RAG1: variants seen among roughly 807,000 people sequenced by gnomAD.
RAG1 encodes the protein recombination activating 1.
In RAG1, 35 loss-of-function variants were observed where a neutral mutation model predicts 62.7. The observed-to-expected ratio is 0.56, with a 90% CI of 0.43 to 0.74. The LOEUF is 0.74. Ranked by LOEUF, RAG1 falls within the 30% of genes least tolerant of loss-of-function variation. The pLI is 0.00. For missense variants in RAG1, 1,169 were observed against 1,278.6 expected, an observed-to-expected ratio of 0.91 and a Z score of 1.31; for synonymous variants, 461 against 470.3, an observed-to-expected ratio of 0.98 and a Z score of 0.26.
rs143227621 is a variant in RAG1, at chr11:36,575,339, A to G, written c.2035A>G (p.Ile679Val). 3.0e-5 allele frequency: 49 copies of G among 1,614,166 alleles called. No individual in the cohort carries two copies. In the African/African-American group the frequency reaches 5.5e-4, roughly 18 times the overall value. Reference protein sequence around the residue: ...ETLTAILSPLIAEREAMKSSE... With the variant: ...ETLTAILSPLVAEREAMKSSE... ...GCTGACTGCCATCCTGAGTCCTCTC[A>G]TTGCTGAGAGGGAGGCCATGAAGAG... The change falls in exon 2 of 2, where the codon ATT (isoleucine) becomes GTT (valine). Residue 679 changes from isoleucine to valine, a missense_variant. Physicochemically the swap from Ile to Val is conservative, Grantham distance 29. This residue lies in a region of RAG1 where 800 missense variants were observed against 943.3 expected (regional missense o/e 0.85). Coordinates refer to ENST00000299440, the MANE Select transcript of RAG1 (RefSeq NM_000448.3). This position sits in a 1 kb window ranked among gnomAD's most constrained non-coding sequence, Gnocchi z 4.1.
chr11:36,557,643 A>G (rs1850523210), intron 3 of RAG1, among the ~76,000 whole-genome samples: 1 of 152,052 alleles, frequency 6.6e-6, no homozygotes, highest in Non-Finnish European at 1.5e-5. Flanking sequence ...CCTCAACTTA[A>G]TTACTTCTTT....
At chr11:36,569,121 A>T (rs1241865182) in intron 1 of RAG1, among the ~76,000 whole-genome samples, 1 of 152,090 alleles carries the variant, frequency 6.6e-6, no homozygotes, top group Non-Finnish European at 1.5e-5. Context: ...GGCAGCTGGG[A>T]TGGAAATGGG....
chr11:36,530,080 C>T (rs888674512), intron 2 of RAG1, among the ~76,000 whole-genome samples: 7 of 151,996 alleles, frequency 4.6e-5, no homozygotes, highest in East Asian at 3.9e-4. Flanking sequence ...AGTCCATTTT[C>T]GTCTTAATTG....
chr11:36,565,058 C>A (rs1225956023), upstream of RAG1, among the ~76,000 whole-genome samples: 5 of 152,178 alleles, frequency 3.3e-5, no homozygotes, highest in Admixed American at 2.0e-4. Flanking sequence ...TGCGTTGGGG[C>A]AAGTAACCTC....
At chr11:36,514,251 G>A (rs1271437347) in intron 1 of RAG1, among the ~76,000 whole-genome samples, 1 of 152,134 alleles carries the variant, frequency 6.6e-6, no homozygotes. Context: ...GAGACCCTAA[G>A]CTGGAACCTA....
At chr11:36,548,587 G>A (rs938224547) in intron 3 of RAG1, among the ~76,000 whole-genome samples, 1 of 152,086 alleles carries the variant, frequency 6.6e-6, no homozygotes, top group African/African-American at 2.4e-5. Flanking sequence ...ACCTCTTCAA[G>A]GAGAACTACA....
chr11:36,547,421 C>T (rs1850411421), intron 3 of RAG1, among the ~76,000 whole-genome samples: 1 of 152,012 alleles, frequency 6.6e-6, no homozygotes, highest in Non-Finnish European at 1.5e-5. Flanking sequence ...CAAATAGACA[C>T]AATAAAAAAT....
intron 3 of RAG1, among the ~76,000 whole-genome samples, chr11:36,547,172 A>G (rs1850406452): frequency 6.6e-6 from 1 of 152,136 alleles, no homozygotes. Flanking sequence ...CACAGGAGAA[A>G]GTGGGGAAGA....
chr11:36,514,022 G>C (rs1233816472), intron 1 of RAG1, among the ~76,000 whole-genome samples: 1 of 152,210 alleles, frequency 6.6e-6, no homozygotes, highest in Non-Finnish European at 1.5e-5. Context: ...TGTAGCTTCT[G>C]TCTTGCTCTC....
chr11:36,524,087 G>T (rs1043757169), intron 2 of RAG1, among the ~76,000 whole-genome samples: 13 of 152,092 alleles, frequency 8.5e-5, no homozygotes, highest in Non-Finnish European at 1.8e-4. Flanking sequence ...TTGGACTGGG[G>T]TTGGCTATGA....
chr11:36,559,473 C>G (rs1850551775), intron 3 of RAG1, among the ~76,000 whole-genome samples: 1 of 152,216 alleles, frequency 6.6e-6, no homozygotes, highest in African/African-American at 2.4e-5. Context: ...TTTTCCCTCT[C>G]TTCTTCTCAA....
chr11:36,571,562 G>C (rs1441746434), intron 1 of RAG1, among the ~76,000 whole-genome samples: 2 of 152,102 alleles, frequency 1.3e-5, no homozygotes, highest in African/African-American at 4.8e-5. Context: ...AATCTAATAG[G>C]ATTTCTCTGT....
At chr11:36,551,597 ACTT>A (rs1296688569) in intron 3 of RAG1, among the ~76,000 whole-genome samples, 102 of 127,990 alleles carry the variant, frequency 8.0e-4, no homozygotes, top group Non-Finnish European at 1.0e-3. Flanking sequence ...TAACTTAATT[ACTT>A]CTTTTTTTTT....
chr11:36,522,310 A>G (rs908159353), intron 2 of RAG1, among the ~76,000 whole-genome samples: 1 of 152,152 alleles, frequency 6.6e-6, no homozygotes, highest in East Asian at 1.9e-4. Context: ...CTGTGTCCCA[A>G]CTGCTCCAGC....
At chr11:36,557,472 C>T (rs902512126) in intron 3 of RAG1, among the ~76,000 whole-genome samples, 16 of 147,074 alleles carry the variant, frequency 1.1e-4, no homozygotes, top group Non-Finnish European at 2.1e-4. Context: ...CTTCGGCTCG[C>T]GCACGGTGCG....
chr11:36,515,185 C>T (rs1316451689), intron 1 of RAG1, among the ~76,000 whole-genome samples: 2 of 152,108 alleles, frequency 1.3e-5, no homozygotes, highest in African/African-American at 2.4e-5. Flanking sequence ...ACCTGAGAGT[C>T]AGAATCTTTC....
chr11:36,565,840 A>G (rs1850654061), upstream of RAG1: 1 of 152,188 alleles, frequency 6.6e-6, no homozygotes, highest in African/African-American at 2.4e-5. Flanking sequence ...CACGGATGGG[A>G]GAAATTGGGA....
At chr11:36,531,938 T>C (rs1156662583) in intron 2 of RAG1, among the ~76,000 whole-genome samples, 1 of 152,076 alleles carries the variant, frequency 6.6e-6, no homozygotes, top group African/African-American at 2.4e-5. Context: ...TGATGTTGCG[T>C]TTTAGATTAA....
At chr11:36,543,921 G>A (rs531818586) in intron 3 of RAG1, among the ~76,000 whole-genome samples, 8 of 152,328 alleles carry the variant, frequency 5.3e-5, no homozygotes, top group Admixed American at 3.9e-4. Context: ...GTAGTTGCAT[G>A]TTTGATGTTT....
Sources: allele counts gnomAD v4.1 joint callset (sites outside exome capture counted in the v4.1 genomes callset), GRCh38; gene constraint gnomAD v4.1.1; regional missense constraint gnomAD v4.1.1; non-coding constraint Gnocchi (gnomAD v3.1); transcripts MANE v1.5; gene names NCBI Gene and HGNC (gene_info 2026-07-23, HGNC 2026-07-21).